The following TNS3 variants were observed in gnomAD, a reference collection of about 807,000 sequenced individuals.
TNS3 encodes tensin-3.
TNS3 carries 45 observed loss-of-function variants against 140.9 expected under a neutral mutation model. That is an observed-to-expected ratio of 0.32 (90% confidence interval 0.25 to 0.41). The LOEUF (loss-of-function observed/expected upper bound fraction) is 0.41, where lower values mean the gene tolerates loss of function less well. Ranked by LOEUF, TNS3 falls within the 10% of genes least tolerant of loss-of-function variation. TNS3 has a pLI of 1.00. For synonymous variants in TNS3, 815 were observed against 788.4 expected (o/e 1.03, Z -0.56); for missense variants, 1,716 against 1,906.7 (o/e 0.90, Z 1.86).
chr7:47,357,389 C>A (rs76151049), intron 17 of TNS3, among the ~76,000 whole-genome samples: 2 of 152,270 alleles, frequency 1.3e-5, no homozygotes, highest in African/African-American at 2.4e-5. Context: ...CATTCACACA[C>A]ACACACTAAT....
chr7:47,365,831 A>G (rs1252842839), intron 17 of TNS3, among the ~76,000 whole-genome samples: 2 of 152,234 alleles, frequency 1.3e-5, no homozygotes, highest in African/African-American at 4.8e-5. Context: ...GAGGGTGGAT[A>G]ATATGATGTG....
chr7:47,475,924 G>A (rs115437544), intron 4 of TNS3, among the ~76,000 whole-genome samples: 10,002 of 152,086 alleles, frequency 0.066, 366 homozygotes, highest in Non-Finnish European at 0.073. Flanking sequence ...GTCTGTCATC[G>A]GTGCCCTCAC....
intron 20 of TNS3, among the ~76,000 whole-genome samples, chr7:47,344,086 G>A (rs1204936637): frequency 6.6e-6 from 1 of 152,150 alleles, no homozygotes; most frequent in East Asian, 1.9e-4. Context: ...AGAGAAGAGT[G>A]ATTTTGAAAT....
Position 47,288,390 on chromosome 7 carries a change from T to C in TNS3, c.3928+3565A>G, listed in dbSNP as rs1358329283. Among the ~76,000 whole-genome samples the C allele has an allele frequency of 3.3e-5, 5 of 152,252 alleles. No homozygotes were observed. In the East Asian group the frequency reaches 9.6e-4, roughly 29 times the overall value. On this transcript the variant is annotated intron_variant, in intron 27 of 30. Transcript: ENST00000311160. ...CGTTCTTCTGCGCTTTCTTGAACAC[T>C]GCCGATGCATAAGTTGTGATTTTAA...
At chr7:47,551,000 G>C (rs775267163) in intron 1 of TNS3, among the ~76,000 whole-genome samples, 10 of 152,194 alleles carry the variant, frequency 6.6e-5, no homozygotes, top group African/African-American at 1.2e-4. Flanking sequence ...TCTGCACCCA[G>C]CCAAGGAACA....
chr7:47,519,634 G>A (rs1441561324), intron 2 of TNS3, among the ~76,000 whole-genome samples: 1 of 152,060 alleles, frequency 6.6e-6, no homozygotes, highest in African/African-American at 2.4e-5. Flanking sequence ...GTGTGTGGGT[G>A]GCCAGCACCT....
intron 12 of TNS3, among the ~76,000 whole-genome samples, chr7:47,412,753 C>G (rs1237614811): frequency 2.0e-5 from 3 of 151,942 alleles, no homozygotes; most frequent in African/African-American, 7.3e-5. Flanking sequence ...TGACTGGGGA[C>G]AGAAAATATT....
In TNS3 at chr7:47,303,311, C is replaced by G. The variant is rs745744128; in HGVS notation, c.3096G>C (p.Pro1032=). ...GCAAGGCCCCCAGGTCCTCCTCGGGCGGAAGGCCACTTCCCACTGGGGCGG... is the reference window on the plus strand; with the variant it reads ...GCAAGGCCCCCAGGTCCTCCTCGGGGGGAAGGCCACTTCCCACTGGGGCGG... The part of the protein sequence containing the change: ...FGTAPVGSGL[P]PEEDLGALLA... The change falls in exon 22 of 31, where the codon CCG becomes CCC. Residue 1032 remains proline (P), a synonymous_variant. Transcript: ENST00000311160. 7 of 1,613,330 alleles carry G rather than the reference C, an allele frequency of 4.3e-6. No individual in the cohort carries two copies. The highest frequency in any genetic ancestry group is 5.9e-6 in the Non-Finnish European group (7 of 1,179,776).
chr7:47,323,596 C>A (rs1435335076), intron 20 of TNS3, among the ~76,000 whole-genome samples: 1 of 152,180 alleles, frequency 6.6e-6, no homozygotes, highest in Non-Finnish European at 1.5e-5. Flanking sequence ...TCTTAAGTCA[C>A]TTTTTATAGT....
chr7:47,565,491 C>T (rs897506577), intron 1 of TNS3, among the ~76,000 whole-genome samples: 2 of 151,426 alleles, frequency 1.3e-5, no homozygotes, highest in Non-Finnish European at 2.9e-5. Context: ...CTCAGCTTCC[C>T]GAGTAGCTGG....
rs1798440934 is a variant in TNS3, at chr7:47,506,957, A to G, written c.-152-13T>C. On this transcript the variant is annotated splice_polypyrimidine_tract_variant and intron_variant, in intron 2 of 30. Coordinates refer to ENST00000311160, the MANE Select transcript of TNS3 (RefSeq NM_022748.12). ...GAATACTTGCAGGCTGGGAAAAAAAAAAAGAGAAAGAATGTGTGTCAAGCA... is the reference window on the plus strand; with the variant it reads ...GAATACTTGCAGGCTGGGAAAAAAAGAAAGAGAAAGAATGTGTGTCAAGCA... The G allele has an allele frequency of 7.8e-7, 1 of 1,288,622 alleles. No homozygotes were observed. Among genetic ancestry groups the G allele is most frequent in the African/African-American group, 1.5e-5 (1 of 65,910 alleles). The allele number at this position is 1,288,622 out of a possible 1,614,324, so 79.8% of individuals were successfully genotyped here.
chr7:47,367,294 C>G (rs1278814230), intron 17 of TNS3, among the ~76,000 whole-genome samples: 1 of 152,234 alleles, frequency 6.6e-6, no homozygotes, highest in Non-Finnish European at 1.5e-5. Flanking sequence ...CCCAATGCCC[C>G]TCTCTGCCTG....
At chr7:47,533,123 ATTTTTTTT>A (rs35691609) in intron 1 of TNS3, among the ~76,000 whole-genome samples, 1 of 88,828 alleles carries the variant, frequency 1.1e-5, no homozygotes, top group African/African-American at 6.3e-5. Flanking sequence ...ATATATATAT[ATTTTTTTT>A]TTTTTTTTTT....
intron 2 of TNS3, among the ~76,000 whole-genome samples, chr7:47,514,092 G>A (rs1355613950): frequency 6.6e-6 from 1 of 152,202 alleles, no homozygotes; most frequent in African/African-American, 2.4e-5. Flanking sequence ...TTATAAACAA[G>A]CCTGTGAGTC....
At chr7:47,490,911 G>C (rs1403749506) in intron 3 of TNS3, among the ~76,000 whole-genome samples, 1 of 152,230 alleles carries the variant, frequency 6.6e-6, no homozygotes, top group Non-Finnish European at 1.5e-5. Flanking sequence ...CCAGACGAGT[G>C]TGTTGGGCAC....
intron 16 of TNS3, among the ~76,000 whole-genome samples, chr7:47,371,056 A>G (rs1791044533): frequency 3.3e-5 from 5 of 152,108 alleles, no homozygotes; most frequent in Admixed American, 3.3e-4. Flanking sequence ...GCACGCAGAG[A>G]AGTGGGGAGT....
chr7:47,283,044 C>T (rs887175568), intron 28 of TNS3, among the ~76,000 whole-genome samples: 1 of 152,162 alleles, frequency 6.6e-6, no homozygotes, highest in African/African-American at 2.4e-5. Context: ...TGCCAACGTG[C>T]CTCCTCAACC....
intron 17 of TNS3, among the ~76,000 whole-genome samples, chr7:47,349,563 T>C (rs945541668): frequency 1.6e-4 from 24 of 152,254 alleles, no homozygotes; most frequent in African/African-American, 5.1e-4. Context: ...TTCCAGGATG[T>C]GGCCTGTACA....
Position 47,303,524 on chromosome 7 carries a change from C to T in TNS3, c.2883G>A (p.Leu961=). ...GACTTCCGGTGGGCCGGCCGCTCCC[C>T]AGCAGGGAAACCATGGGCTTGGGGC... The part of the protein sequence containing the change: ...ESSPKPMVSL[L]GSGRPTGSPL... The change falls in exon 22 of 31, where the codon CTG becomes CTA. Residue 961 remains leucine (L), a synonymous_variant. Transcript: ENST00000311160. 1 of 1,606,632 alleles carries T rather than the reference C, an allele frequency of 6.2e-7. No homozygotes were observed.
Sources: allele counts gnomAD v4.1 joint callset (sites outside exome capture counted in the v4.1 genomes callset), GRCh38; gene constraint gnomAD v4.1.1; transcripts MANE v1.5; gene names NCBI Gene and HGNC (gene_info 2026-07-23, HGNC 2026-07-21).